The following ABI3BP variants were observed in gnomAD, a reference collection of about 807,000 sequenced individuals.
ABI3BP encodes ABI family member 3 binding protein.
ABI3BP carries 216 observed loss-of-function variants against 268.6 expected under a neutral mutation model. The observed-to-expected ratio is 0.80, with a 90% confidence interval of 0.72 to 0.90. The LOEUF (loss-of-function observed/expected upper bound fraction) is 0.90, where lower values mean the gene tolerates loss of function less well. Ranked by LOEUF, ABI3BP falls within the 40% of genes least tolerant of loss-of-function variation. The pLI is 0.00. For synonymous variants in ABI3BP, 730 were observed against 730.0 expected (o/e 1.00, Z 0.00); for missense variants, 2,090 against 2,182.4 (o/e 0.96, Z 0.84).
intron 14 of ABI3BP, among the ~76,000 whole-genome samples, chr3:100,862,052 C>A (rs1182951905): frequency 6.6e-6 from 1 of 152,126 alleles, no homozygotes; most frequent in South Asian, 2.1e-4. Context: ...TATCAATGAG[C>A]CAATTCATAG....
At position 100,838,301 on chromosome 3, in the gene ABI3BP, TGCCATAATTAGTGTTACG is replaced by T; in HGVS notation, c.2009-35_2009-18del. 1 of 1,534,922 alleles carries T rather than the reference TGCCATAATTAGTGTTACG, an allele frequency of 6.5e-7. No homozygotes were observed. The highest frequency in any genetic ancestry group is 8.7e-7 in the Non-Finnish European group (1 of 1,145,572). On this transcript the variant is annotated intron_variant, in intron 25 of 67. Coordinates refer to ENST00000471714, the MANE Select transcript of ABI3BP (RefSeq NM_001375547.2). Reference sequence around the variant, plus strand: ...GTTTTGAACCTGAAGAAAATTAGAGTGCCATAATTAGTGTTACGGCTGAGCTGTGAATGTGGAGATTAA... The same window carrying T: ...GTTTTGAACCTGAAGAAAATTAGAGTGCTGAGCTGTGAATGTGGAGATTAA...
At position 100,764,833 on chromosome 3, in the gene ABI3BP, T is replaced by A. The variant is rs192780962; in HGVS notation, c.4850+1008A>T. 5.3e-5 allele frequency among the ~76,000 whole-genome samples: 8 copies of A among 152,342 alleles called. No individual in the cohort carries two copies. In the East Asian group the frequency reaches 1.5e-3, roughly 29 times the overall value. ...ATGGGCTTTTACTGACATATGCTTA[T>A]TTTGGCTAAAAGTCTTTTAAGAAAA... On this transcript the variant is annotated intron_variant, in intron 63 of 67. Coordinates refer to ENST00000471714, the MANE Select transcript of ABI3BP (RefSeq NM_001375547.2).
chr3:100,906,062 A>G (rs1394977890), intron 2 of ABI3BP, among the ~76,000 whole-genome samples: 2 of 152,176 alleles, frequency 1.3e-5, no homozygotes, highest in East Asian at 3.8e-4. Context: ...CACTTTTAGA[A>G]AACAAAACCC....
At chr3:100,854,299 C>T (rs1484887254) in intron 14 of ABI3BP, among the ~76,000 whole-genome samples, 1 of 151,972 alleles carries the variant, frequency 6.6e-6, no homozygotes, top group African/African-American at 2.4e-5. Flanking sequence ...GCAGAGCCTG[C>T]AGTGAGCCGA....
chr3:100,749,736 T>G lies in ABI3BP; in HGVS notation c.*759A>C. The G allele has an allele frequency of 5.0e-6, 2 of 398,442 alleles. No homozygotes were observed. The highest frequency in any genetic ancestry group is 8.9e-6 in the Non-Finnish European group (2 of 225,768). The allele number at this position is 398,442 out of a possible 1,614,324, so 24.7% of individuals were successfully genotyped here. ...CTTGATTAGAATCATAAAAACAATA[T>G]GAAGACGATTGCATAAAGGGATAGT... On this transcript the variant is annotated 3_prime_UTR_variant, in exon 68 of 68. Coordinates refer to ENST00000471714, the MANE Select transcript of ABI3BP (RefSeq NM_001375547.2).
intron 1 of ABI3BP, among the ~76,000 whole-genome samples, chr3:100,957,218 A>G (rs545401026): frequency 6.6e-6 from 1 of 152,320 alleles, no homozygotes; most frequent in South Asian, 2.1e-4. Flanking sequence ...ATTTCTTGAT[A>G]AAAGTTGAAA....
At chr3:100,878,974 C>T (rs1250477596) in intron 6 of ABI3BP, among the ~76,000 whole-genome samples, 1 of 152,090 alleles carries the variant, frequency 6.6e-6, no homozygotes, top group Non-Finnish European at 1.5e-5. Flanking sequence ...ATGATTAAAC[C>T]AAGCTAATTA....
chr3:100,945,746 G>C (rs1470389169), intron 1 of ABI3BP: 1 of 383,794 alleles, frequency 2.6e-6, no homozygotes, highest in Non-Finnish European at 5.1e-6. Context: ...TATTTGGATT[G>C]TTTCCAGTTT....
intron 27 of ABI3BP, 98 bp downstream of exon 27, chr3:100,837,026 T>C: frequency 8.4e-7 from 1 of 1,190,174 alleles, no homozygotes; most frequent in Non-Finnish European, 1.1e-6. Context: ...AAAACAAAAA[T>C]GGTGAATGAC....
At chr3:100,755,222 G>A (rs1178878185) in intron 63 of ABI3BP, among the ~76,000 whole-genome samples, 1 of 152,182 alleles carries the variant, frequency 6.6e-6, no homozygotes, top group Non-Finnish European at 1.5e-5. Context: ...AGGTATTGAA[G>A]CAATTTTTGA....
intron 61 of ABI3BP, among the ~76,000 whole-genome samples, chr3:100,774,299 G>A (rs868652804): frequency 6.6e-6 from 1 of 151,914 alleles, no homozygotes; most frequent in Non-Finnish European, 1.5e-5. Flanking sequence ...GCATTATTAC[G>A]AAAATGGCTT....
intron 4 of ABI3BP, among the ~76,000 whole-genome samples, chr3:100,898,385 G>A (rs1293480240): frequency 1.3e-5 from 2 of 152,172 alleles, no homozygotes; most frequent in Non-Finnish European, 2.9e-5. Flanking sequence ...ACTTTGAGAA[G>A]TATGATTTAA....
At chr3:100,910,094 T>A (rs530902965) in intron 2 of ABI3BP, among the ~76,000 whole-genome samples, 2 of 152,124 alleles carry the variant, frequency 1.3e-5, no homozygotes, top group Admixed American at 1.3e-4. Context: ...AAAGGATGAG[T>A]TCATGTCCTT....
At chr3:100,955,291 A>G (rs1246126305) in intron 1 of ABI3BP, among the ~76,000 whole-genome samples, 1 of 152,184 alleles carries the variant, frequency 6.6e-6, no homozygotes, top group African/African-American at 2.4e-5. Context: ...TCTCAATAGC[A>G]TCATCAGAGC....
At chr3:100,830,157 ATATATAT>A (rs2098466632) in intron 32 of ABI3BP, among the ~76,000 whole-genome samples, 3 of 121,090 alleles carry the variant, frequency 2.5e-5, no homozygotes, top group African/African-American at 1.0e-4. Flanking sequence ...ATATATATAT[ATATATAT>A]AAAATGCAGA....
At chr3:100,870,922 G>T (rs1201729604) in intron 9 of ABI3BP, among the ~76,000 whole-genome samples, 1 of 152,128 alleles carries the variant, frequency 6.6e-6, no homozygotes, top group East Asian at 1.9e-4. Context: ...TATGCTAAAT[G>T]ATATAAGCCA....
intron 14 of ABI3BP, among the ~76,000 whole-genome samples, chr3:100,857,184 CTCA>C (rs1458847521): frequency 2.6e-5 from 4 of 152,010 alleles, no homozygotes; most frequent in African/African-American, 4.8e-5. Flanking sequence ...TTCTCTCCTC[CTCA>C]TGTTTTATTA....
intron 1 of ABI3BP, among the ~76,000 whole-genome samples, chr3:100,979,280 A>C (rs2087946950): frequency 6.6e-6 from 1 of 152,150 alleles, no homozygotes; most frequent in South Asian, 2.1e-4. Context: ...AAGTCATAAA[A>C]TTTCTTTCAT....
At chr3:100,931,149 T>C (rs2063501443) in intron 1 of ABI3BP, among the ~76,000 whole-genome samples, 1 of 152,068 alleles carries the variant, frequency 6.6e-6, no homozygotes, top group Admixed American at 6.6e-5. Context: ...CATCCTTCCA[T>C]GTTAAAAATC....
Sources: gnomAD v4.1 joint callset for allele counts (sites outside exome capture counted in the v4.1 genomes callset) on GRCh38, gnomAD v4.1.1 for gene constraint, MANE v1.5 for transcripts, NCBI Gene and HGNC (gene_info 2026-07-23, HGNC 2026-07-21) for gene names.